The following KIAA1328 variants were observed in gnomAD, a reference collection of about 807,000 sequenced individuals.
KIAA1328 encodes the protein KIAA1328.
In KIAA1328, 52 loss-of-function variants were observed where a neutral mutation model predicts 68.1. The ratio of observed to expected loss-of-function variants is 0.76; its 90% CI spans 0.61 to 0.96. KIAA1328 has a LOEUF of 0.96. KIAA1328 is among the 40% of genes least tolerant of loss of function. KIAA1328 has a pLI of 0.00. For missense variants in KIAA1328, 641 were observed against 677.6 expected, an observed-to-expected ratio of 0.95 and a Z score of 0.60; for synonymous variants, 232 against 239.4, an observed-to-expected ratio of 0.97 and a Z score of 0.28.
At chr18:37,077,561 A>G (rs573629207) in intron 7 of KIAA1328, among the ~76,000 whole-genome samples, 1 of 151,962 alleles carries the variant, frequency 6.6e-6, no homozygotes, top group African/African-American at 2.4e-5. Flanking sequence ...TTGCAGATGA[A>G]ATGATTGTAT....
intron 7 of KIAA1328, among the ~76,000 whole-genome samples, chr18:37,075,970 GCAC>G (rs879365713): frequency 2.8e-4 from 42 of 152,190 alleles, no homozygotes; most frequent in Middle Eastern, 3.4e-3. Flanking sequence ...ACTCAGCTCT[GCAC>G]CAAGCGGACC....
rs187723213 is a variant in KIAA1328 at position 36,968,414 on chromosome 18, A to C, written c.576+8979A>C. On this transcript the variant is annotated intron_variant, in intron 6 of 9. Coordinates refer to ENST00000280020, the MANE Select transcript of KIAA1328 (RefSeq NM_020776.3). ...ACACCCGTAGGCTAAAAATAAAGGG[A>C]TGGAGAAAAATCTACCAAGCAAATA... Among the ~76,000 whole-genome samples the C allele has an allele frequency of 1.2e-4, 19 of 152,282 alleles. 2 individuals are homozygous for C. The highest frequency in any genetic ancestry group is 1.1e-3 in the Admixed American group (17 of 15,290).
At chr18:36,916,171 C>T (rs2049690558) in intron 5 of KIAA1328, among the ~76,000 whole-genome samples, 1 of 150,872 alleles carries the variant, frequency 6.6e-6, no homozygotes, top group African/African-American at 2.4e-5. Context: ...TATTTTCCAA[C>T]TTTTTATTTT....
At chr18:36,847,403 C>T (rs1016904429) in intron 4 of KIAA1328, among the ~76,000 whole-genome samples, 2 of 151,454 alleles carry the variant, frequency 1.3e-5, no homozygotes, top group African/African-American at 4.8e-5. Flanking sequence ...GTATACTCAC[C>T]AACTCTTGGT....
chr18:37,017,127 G>A (rs2054180187), intron 6 of KIAA1328, among the ~76,000 whole-genome samples: 1 of 151,918 alleles, frequency 6.6e-6, no homozygotes, highest in African/African-American at 2.4e-5. Flanking sequence ...TCTTAACATG[G>A]CTTTTGCTGT....
chr18:37,098,242 T>C (rs1330610493), intron 7 of KIAA1328, among the ~76,000 whole-genome samples: 8 of 152,204 alleles, frequency 5.3e-5, no homozygotes, highest in South Asian at 2.1e-4. Flanking sequence ...TTTTGAGATA[T>C]GTCCCATCAA....
chr18:36,833,552 A>T (rs1011251080), intron 1 of KIAA1328, among the ~76,000 whole-genome samples: 1 of 152,208 alleles, frequency 6.6e-6, no homozygotes, highest in Admixed American at 6.5e-5. Context: ...GAAATGACAT[A>T]ACTATTAAAA....
intron 7 of KIAA1328, among the ~76,000 whole-genome samples, chr18:37,099,018 A>T (rs1037709286): frequency 2.2e-4 from 34 of 152,162 alleles, no homozygotes; most frequent in Non-Finnish European, 3.8e-4. Flanking sequence ...ATCTTGTCAA[A>T]AAAACGGCTC....
intron 7 of KIAA1328, among the ~76,000 whole-genome samples, chr18:37,080,613 A>G (rs1022607359): frequency 1.3e-5 from 2 of 151,816 alleles, no homozygotes; most frequent in South Asian, 4.2e-4. Flanking sequence ...CATCTCTACT[A>G]AAAATACAAA....
intron 5 of KIAA1328, among the ~76,000 whole-genome samples, chr18:36,912,034 CT>C (rs1425026487): frequency 3.9e-5 from 6 of 152,076 alleles, no homozygotes; most frequent in Non-Finnish European, 5.9e-5. Context: ...TTTTAATATT[CT>C]TTAGTTGATT....
chr18:37,131,967 T>C (rs2058533225), intron 7 of KIAA1328, among the ~76,000 whole-genome samples: 1 of 152,228 alleles, frequency 6.6e-6, no homozygotes, highest in South Asian at 2.1e-4. Context: ...CTCTATTATG[T>C]GTCCTTTTAA....
intron 7 of KIAA1328, among the ~76,000 whole-genome samples, chr18:37,112,143 C>T (rs914539592): frequency 2.0e-5 from 3 of 152,196 alleles, no homozygotes; most frequent in East Asian, 1.9e-4. Flanking sequence ...CAGACTTAAA[C>T]GTCTCTGTCT....
intron 6 of KIAA1328, among the ~76,000 whole-genome samples, chr18:36,969,568 C>T (rs926790595): frequency 6.6e-6 from 1 of 152,208 alleles, no homozygotes; most frequent in Non-Finnish European, 1.5e-5. Flanking sequence ...GGTACATACA[C>T]TCTCCCAAGG....
chr18:37,077,507 A>T (rs979044842), intron 7 of KIAA1328, among the ~76,000 whole-genome samples: 5 of 150,666 alleles, frequency 3.3e-5, no homozygotes, highest in African/African-American at 1.2e-4. Flanking sequence ...AGAAGGAAAT[A>T]AAGGGTATTC....
At chr18:36,869,011 G>A (rs1198784058) in intron 4 of KIAA1328, among the ~76,000 whole-genome samples, 1 of 150,186 alleles carries the variant, frequency 6.7e-6, no homozygotes, top group African/African-American at 2.4e-5. Context: ...GAAAATTAGA[G>A]GGCCTAATTT....
intron 6 of KIAA1328, among the ~76,000 whole-genome samples, chr18:37,044,862 CAA>C (rs2055404220): frequency 6.6e-6 from 1 of 150,742 alleles, no homozygotes; most frequent in African/African-American, 2.4e-5. Flanking sequence ...AAAATAGCAG[CAA>C]AGTTTCACAC....
At chr18:37,019,838 G>C (rs2054279601) in intron 6 of KIAA1328, among the ~76,000 whole-genome samples, 1 of 152,210 alleles carries the variant, frequency 6.6e-6, no homozygotes, top group African/African-American at 2.4e-5. Flanking sequence ...CTATGTCCAG[G>C]AAAGGTAAGG....
chr18:37,142,942 G>GTT (rs551875920), intron 7 of KIAA1328, among the ~76,000 whole-genome samples: 98 of 140,382 alleles, frequency 7.0e-4, no homozygotes, highest in African/African-American at 1.3e-3. Flanking sequence ...ATTTACTTTG[G>GTT]TTTTTTTTTT....
In KIAA1328 at chr18:36,842,677, T is replaced by TA. The variant is rs981883326; in HGVS notation, c.238-1531_238-1530insA. 1.1e-3 allele frequency among the ~76,000 whole-genome samples: 172 copies of TA among 151,906 alleles called. 1 individual carries two copies. Among genetic ancestry groups the TA allele is most frequent in the African/African-American group, 2.0e-3 (82 of 41,474 alleles). On this transcript the variant is annotated intron_variant, in intron 3 of 9. Transcript: ENST00000280020. ...AACACAATGCCACTAATTATTTATT[T>TA]TTTTTTTTTTGCCTAGTTACAAAGA...
Sources: allele counts gnomAD v4.1 joint callset (sites outside exome capture counted in the v4.1 genomes callset), GRCh38; gene constraint gnomAD v4.1.1; transcripts MANE v1.5; gene names NCBI Gene and HGNC (gene_info 2026-07-23, HGNC 2026-07-21).